Variants in ACOXL observed in about 807,000 individuals in gnomAD.
The protein encoded by ACOXL is acyl-coenzyme A oxidase-like protein.
Under a neutral mutation model 71.9 loss-of-function variants are expected in ACOXL, and 70 were observed. That is an observed-to-expected ratio of 0.97 (90% CI 0.80 to 1.19). The LOEUF (loss-of-function observed/expected upper bound fraction) is 1.19. Among genes scored for constraint, ACOXL ranks in the 50% most tolerant of loss-of-function variants. The probability of loss-of-function intolerance (pLI) is 0.00; values close to 1 mark genes in which losing one functional copy is unlikely to be tolerated. For synonymous variants in ACOXL, 253 were observed against 281.6 expected (o/e 0.90, Z 1.02); for missense variants, 703 against 736.3 (o/e 0.95, Z 0.52).
chr2:110,833,521 C>T (rs766140219), intron 9 of ACOXL, among the ~76,000 whole-genome samples: 11 of 152,076 alleles, frequency 7.2e-5, no homozygotes, highest in African/African-American at 9.7e-5. Context: ...GGGGAGTATC[C>T]TGCTTGTGAT....
intron 2 of ACOXL, 49 bp downstream of exon 2, chr2:110,768,513 T>TGTGTGTGTGAGAGAGAGA (rs397975396): frequency 2.9e-4 from 267 of 929,642 alleles, no homozygotes; most frequent in East Asian, 2.5e-3. Context: ...TGTGTGTGTG[T>TGTGTGTGTGAGAGAGAGA]GAGAGAGAGA....
intron 1 of ACOXL, among the ~76,000 whole-genome samples, chr2:110,762,896 A>T (rs533785807): frequency 6.6e-6 from 1 of 152,208 alleles, no homozygotes; most frequent in Non-Finnish European, 1.5e-5. Context: ...GGCTCGAGCA[A>T]TCTGCCCACC....
intron 16 of ACOXL, among the ~76,000 whole-genome samples, chr2:111,055,539 G>C (rs371595617): frequency 6.6e-6 from 1 of 152,242 alleles, no homozygotes; most frequent in East Asian, 1.9e-4. Context: ...GCCATTGAGA[G>C]AGTCCTAAGC....
chr2:110,923,456 A>G (rs1365553442), intron 11 of ACOXL, among the ~76,000 whole-genome samples: 1 of 152,102 alleles, frequency 6.6e-6, no homozygotes, highest in Non-Finnish European at 1.5e-5. Context: ...TTAGATGTTT[A>G]TTCAATACAT....
At chr2:111,013,623 T>A (rs970633774) in intron 14 of ACOXL, among the ~76,000 whole-genome samples, 18 of 152,158 alleles carry the variant, frequency 1.2e-4, no homozygotes, top group Non-Finnish European at 2.1e-4. Context: ...TTTCTTTCTT[T>A]TCTATTTTAT....
chr2:111,003,221 A>T (rs1369294947), intron 14 of ACOXL, among the ~76,000 whole-genome samples: 2 of 152,132 alleles, frequency 1.3e-5, no homozygotes, highest in Non-Finnish European at 2.9e-5. Flanking sequence ...AACGTTAGGC[A>T]TGTGGGGTGG....
At chr2:110,811,903 T>C (rs1687381962) in intron 9 of ACOXL, among the ~76,000 whole-genome samples, 1 of 152,146 alleles carries the variant, frequency 6.6e-6, no homozygotes, top group East Asian at 1.9e-4. Flanking sequence ...TGTTTCCTGG[T>C]GTGGAGACTT....
intron 10 of ACOXL, among the ~76,000 whole-genome samples, chr2:110,871,041 C>A (rs1455924389): frequency 2.0e-5 from 3 of 152,130 alleles, no homozygotes; most frequent in Non-Finnish European, 2.9e-5. Flanking sequence ...CTAATAATGA[C>A]CTTATTACCT....
chr2:110,929,937 G>C (rs2060418178), intron 11 of ACOXL, among the ~76,000 whole-genome samples: 1 of 152,244 alleles, frequency 6.6e-6, no homozygotes, highest in South Asian at 2.1e-4. Context: ...GGATGTCCAG[G>C]CATAAGTTTG....
At chr2:111,099,579 C>T (rs988450933) in intron 17 of ACOXL, 3 of 152,276 alleles carry the variant, frequency 2.0e-5, no homozygotes, top group Admixed American at 1.3e-4. Flanking sequence ...GCTCGAAGGC[C>T]AGTGGTGGTG....
chr2:110,890,619 A>G (rs1472558264), intron 10 of ACOXL, among the ~76,000 whole-genome samples: 1 of 152,214 alleles, frequency 6.6e-6, no homozygotes, highest in Non-Finnish European at 1.5e-5. Flanking sequence ...ATCAATGGAA[A>G]TAAATATAAG....
At chr2:110,794,337 T>C (rs1320072249) in intron 5 of ACOXL, among the ~76,000 whole-genome samples, 163 bp downstream of exon 5, 1 of 152,244 alleles carries the variant, frequency 6.6e-6, no homozygotes, top group East Asian at 1.9e-4. Context: ...GAGGTGGATA[T>C]GTGCTCAGCC....
At chr2:111,078,196 A>G (rs890208910) in intron 16 of ACOXL, among the ~76,000 whole-genome samples, 1 of 152,006 alleles carries the variant, frequency 6.6e-6, no homozygotes, top group Admixed American at 6.6e-5. Context: ...TTTGGAGCTC[A>G]TCTTTCTTTT....
intron 1 of ACOXL, among the ~76,000 whole-genome samples, chr2:110,765,500 T>C (rs1339357687): frequency 6.6e-6 from 1 of 152,206 alleles, no homozygotes; most frequent in African/African-American, 2.4e-5. Context: ...GTTGTTCAGA[T>C]TGGATAAATT....
intron 2 of ACOXL, among the ~76,000 whole-genome samples, chr2:110,775,746 A>G (rs923107939): frequency 6.6e-6 from 1 of 152,204 alleles, no homozygotes. Context: ...AAAACCAGAA[A>G]AGAACAAGTG....
At chr2:111,075,496 C>T (rs542444086) in intron 16 of ACOXL, among the ~76,000 whole-genome samples, 2 of 152,018 alleles carry the variant, frequency 1.3e-5, no homozygotes, top group African/African-American at 2.4e-5. Context: ...TTTGTTAGAA[C>T]TTTATCAATT....
In ACOXL at chr2:110,999,246, T is replaced by C. The variant is rs569744086; in HGVS notation, c.1281+3242T>C. ...TCCATCCATGCACCCACACCCCTGG[T>C]GTCCTTCTTCTTATAAGAATACTGT... On this transcript the variant is annotated intron_variant, in intron 14 of 17. Transcript: ENST00000439055. Among the ~76,000 whole-genome samples the C allele has an allele frequency of 1.7e-4, 26 of 152,286 alleles. No homozygotes were observed. In the South Asian group the frequency reaches 5.2e-3, roughly 30 times the overall value.
intron 10 of ACOXL, among the ~76,000 whole-genome samples, chr2:110,886,381 T>TTTC (rs1331155078): frequency 6.4e-4 from 41 of 64,490 alleles, no homozygotes; most frequent in South Asian, 8.2e-4. Context: ...CTTCTTTTTC[T>TTTC]TTTTTTTTTT....
intron 10 of ACOXL, among the ~76,000 whole-genome samples, chr2:110,857,795 G>A (rs1254282945): frequency 1.3e-5 from 2 of 151,898 alleles, no homozygotes; most frequent in East Asian, 3.9e-4. Flanking sequence ...GCCTGATCTC[G>A]GCTCACTGCA....
Sources: gnomAD v4.1 joint callset for allele counts (sites outside exome capture counted in the v4.1 genomes callset) on GRCh38, gnomAD v4.1.1 for gene constraint, MANE v1.5 for transcripts, NCBI Gene and HGNC (gene_info 2026-07-23, HGNC 2026-07-21) for gene names.